ZFPM2: variants seen among roughly 807,000 people sequenced by gnomAD.
ZFPM2 encodes the protein zinc finger protein ZFPM2.
ZFPM2 carries 20 observed loss-of-function variants against 98.6 expected under a neutral mutation model. The ratio of observed to expected loss-of-function variants is 0.20; its 90% confidence interval spans 0.14 to 0.29. ZFPM2 has a LOEUF of 0.29. Among genes scored for constraint, ZFPM2 ranks in the 10% least tolerant of loss-of-function variants. The pLI, the probability that ZFPM2 is intolerant of heterozygous loss-of-function variation, is 1.00. For synonymous variants in ZFPM2, 518 were observed against 502.7 expected (o/e 1.03, Z -0.41); for missense variants, 1,310 against 1,388.6 (o/e 0.94, Z 0.90).
chr8:105,721,978 T>C (rs550384772), intron 5 of ZFPM2, among the ~76,000 whole-genome samples: 1 of 152,056 alleles, frequency 6.6e-6, no homozygotes, highest in East Asian at 1.9e-4. Context: ...ATACTATATA[T>C]AGGTATAATT....
intron 4 of ZFPM2, among the ~76,000 whole-genome samples, chr8:105,607,280 TA>T (rs1250832391): frequency 1.3e-5 from 2 of 152,124 alleles, no homozygotes; most frequent in African/African-American, 4.8e-5. Flanking sequence ...AAGAAAACCT[TA>T]TCTTTTTTAA....
intron 5 of ZFPM2, among the ~76,000 whole-genome samples, chr8:105,726,520 C>G (rs556647440): frequency 6.6e-6 from 1 of 151,932 alleles, no homozygotes; most frequent in African/African-American, 2.4e-5. Flanking sequence ...GGTATCTTCA[C>G]CATTAGGACT....
intron 2 of ZFPM2, 138 bp from the exon 3 acceptor site, chr8:105,444,142 A>C: frequency 1.5e-6 from 1 of 647,418 alleles, no homozygotes; most frequent in South Asian, 2.0e-5. Flanking sequence ...ATAGTCATGA[A>C]CATTTATTAG....
At chr8:105,593,985 C>T (rs912650244) in intron 4 of ZFPM2, among the ~76,000 whole-genome samples, 6 of 152,054 alleles carry the variant, frequency 3.9e-5, no homozygotes, top group Non-Finnish European at 7.4e-5. Context: ...GCTGACCTTA[C>T]CATAATGCAG....
intron 3 of ZFPM2, among the ~76,000 whole-genome samples, chr8:105,502,501 GA>G (rs1361854622): frequency 6.6e-6 from 1 of 151,488 alleles, no homozygotes; most frequent in Non-Finnish European, 1.5e-5. Flanking sequence ...AGGAGAAGAA[GA>G]AAAAAAGACG....
chr8:105,480,603 T>C (rs1813095552), intron 3 of ZFPM2, among the ~76,000 whole-genome samples: 1 of 152,182 alleles, frequency 6.6e-6, no homozygotes, highest in African/African-American at 2.4e-5. Flanking sequence ...GGTGGACTAC[T>C]GAACTAGAAT....
chr8:105,462,902 T>G (rs1812728877), intron 3 of ZFPM2, among the ~76,000 whole-genome samples: 1 of 151,808 alleles, frequency 6.6e-6, no homozygotes, highest in South Asian at 2.1e-4. Context: ...GAGAGTAAAA[T>G]GATACTAGCT....
chr8:105,674,674 G>T (rs1301843271), intron 5 of ZFPM2, among the ~76,000 whole-genome samples: 1 of 152,274 alleles, frequency 6.6e-6, no homozygotes, highest in East Asian at 1.9e-4. Flanking sequence ...AGCATTGGTG[G>T]ATAGGATAGA....
intron 1 of ZFPM2, among the ~76,000 whole-genome samples, chr8:105,332,794 A>T (rs898164137): frequency 2.6e-5 from 4 of 151,616 alleles, no homozygotes; most frequent in African/African-American, 9.7e-5. Context: ...GACAAGAGGG[A>T]ATTGTATCCT....
intron 5 of ZFPM2, among the ~76,000 whole-genome samples, chr8:105,652,736 C>G (rs1817206128): frequency 6.6e-6 from 1 of 152,028 alleles, no homozygotes; most frequent in Non-Finnish European, 1.5e-5. Context: ...GAATATTTAT[C>G]AAATATTTAT....
chr8:105,444,285 G>T lies in ZFPM2; in HGVS notation c.205G>T (p.Asp69Tyr). Residue 69 changes from aspartate to tyrosine, a missense_variant, in exon 3 of 8, where the codon GAT (aspartate) becomes TAT (tyrosine). Physicochemically the swap from Asp to Tyr is radical, Grantham distance 160 (BLOSUM62 -3). Transcript: ENST00000407775. ...CTTGTGTTGGTGTTTTCCAGGTGATGATGAAGGAATCCAGGAGACAGCAGA... is the reference window on the plus strand; with the variant it reads ...CTTGTGTTGGTGTTTTCCAGGTGATTATGAAGGAATCCAGGAGACAGCAGA... ...EVEYFCNKGD[D>Y]EGIQETAESD... is the part of the protein sequence containing the mutation. The T allele has an allele frequency of 6.2e-7, 1 of 1,609,610 alleles. No homozygotes were observed. Among genetic ancestry groups the T allele is most frequent in the Non-Finnish European group, 8.5e-7 (1 of 1,177,854 alleles).
At chr8:105,531,317 C>G (rs1329345907) in intron 3 of ZFPM2, among the ~76,000 whole-genome samples, 3 of 152,098 alleles carry the variant, frequency 2.0e-5, no homozygotes, top group East Asian at 3.9e-4. Context: ...GTGATGTTCC[C>G]TCTGAACTCT....
chr8:105,699,073 C>T (rs1811083901), intron 5 of ZFPM2, among the ~76,000 whole-genome samples: 1 of 152,114 alleles, frequency 6.6e-6, no homozygotes, highest in African/African-American at 2.4e-5. Context: ...TACCTAATGT[C>T]AGACTTAAGC....
In ZFPM2 at chr8:105,349,499, T is replaced by A. The variant is rs529204382; in HGVS notation, c.40+30518T>A. Among the ~76,000 whole-genome samples, 316 of 152,330 alleles carry A rather than the reference T, an allele frequency of 2.1e-3. 2 individuals are homozygous for A. The highest frequency in any genetic ancestry group is 7.3e-3 in the African/African-American group (305 of 41,576). On this transcript the variant is annotated intron_variant, in intron 1 of 7. Transcript: ENST00000407775. Reference sequence around the variant, plus strand: ...ATTTTGATTAATTGAGCTTAACTGATGGGTATCCAGTAACTCTGTTTTACT... The same window carrying A: ...ATTTTGATTAATTGAGCTTAACTGAAGGGTATCCAGTAACTCTGTTTTACT...
At position 105,801,618 on chromosome 8, in the gene ZFPM2, A is replaced by C. The variant is rs1158292196; in HGVS notation, c.1536A>C (p.Gln512His). 6.2e-7 allele frequency: 1 copy of C among 1,613,752 alleles called. No homozygotes were observed. The highest frequency in any genetic ancestry group is 1.7e-5 in the Admixed American group (1 of 60,012). Residue 512 changes from glutamine (Q) to histidine (H), a missense_variant, in exon 8 of 8, where the codon CAA becomes CAC. Physicochemically the swap from Gln to His is conservative, Grantham distance 24 (BLOSUM62 0). Coordinates refer to ENST00000407775, the MANE Select transcript of ZFPM2 (RefSeq NM_012082.4). The part of the protein sequence containing the change: ...SFPQDITMVP[Q>H]ASEILAKMSE... ...CCCAAGATATCACCATGGTCCCTCA[A>C]GCTTCAGAGATCTTAGCTAAGATGT...
chr8:105,384,262 C>G (rs1003601484), intron 1 of ZFPM2, among the ~76,000 whole-genome samples: 1 of 152,094 alleles, frequency 6.6e-6, no homozygotes, highest in Admixed American at 6.5e-5. Context: ...CCACAGCATA[C>G]ATGAGTTTGT....
At chr8:105,521,843 C>G (rs1814068741) in intron 3 of ZFPM2, among the ~76,000 whole-genome samples, 4 of 152,164 alleles carry the variant, frequency 2.6e-5, no homozygotes. Flanking sequence ...TCCCAAAGTG[C>G]TGGGATTACA....
At chr8:105,484,753 T>G (rs1813195704) in intron 3 of ZFPM2, among the ~76,000 whole-genome samples, 3 of 152,192 alleles carry the variant, frequency 2.0e-5, no homozygotes, top group African/African-American at 7.2e-5. Context: ...TTTGTGTATT[T>G]ATCTGTGTGT....
intron 7 of ZFPM2, among the ~76,000 whole-genome samples, chr8:105,800,777 C>T (rs1284224248): frequency 3.9e-5 from 6 of 152,204 alleles, no homozygotes; most frequent in African/African-American, 9.6e-5. Flanking sequence ...CCTCCTTCAG[C>T]GTGTTTCCTC....
Sources: allele counts gnomAD v4.1 joint callset (sites outside exome capture counted in the v4.1 genomes callset), GRCh38; gene constraint gnomAD v4.1.1; transcripts MANE v1.5; gene names NCBI Gene and HGNC (gene_info 2026-07-23, HGNC 2026-07-21).